KIF21B: variants seen among roughly 807,000 people sequenced by gnomAD.
The protein encoded by KIF21B is kinesin family member 21B, also known as kinesin-like protein KIF21B.
In KIF21B, 85 loss-of-function variants were observed where a neutral mutation model predicts 192.9. The observed-to-expected ratio is 0.44, with a 90% confidence interval of 0.37 to 0.53. The LOEUF is 0.53. Ranked by LOEUF, KIF21B falls within the 20% of genes least tolerant of loss-of-function variation. The pLI is 0.00. For missense variants in KIF21B, 1,716 were observed against 2,194.8 expected, an observed-to-expected ratio of 0.78 and a Z score of 4.36; for synonymous variants, 832 against 884.6, an observed-to-expected ratio of 0.94 and a Z score of 1.05.
chr1:201,005,859 C>T (rs1411218324), intron 3 of KIF21B, among the ~76,000 whole-genome samples, 165 bp from the exon 4 acceptor site: 4 of 152,220 alleles, frequency 2.6e-5, no homozygotes, highest in Non-Finnish European at 4.4e-5. Context: ...GGGCAGGAGA[C>T]AGCTGGGCCC....
At chr1:201,004,526 C>T (rs1657688463) in intron 6 of KIF21B, 71 bp from the exon 7 acceptor site, 1 of 1,358,198 alleles carries the variant, frequency 7.4e-7, no homozygotes, top group African/African-American at 1.4e-5. Flanking sequence ...AAGAAAATCC[C>T]CAACCCATCT....
intron 1 of KIF21B, among the ~76,000 whole-genome samples, chr1:201,010,105 T>C (rs1227029176): frequency 2.0e-5 from 3 of 152,282 alleles, no homozygotes; most frequent in East Asian, 3.9e-4. Flanking sequence ...CCAATGCCCA[T>C]GGGGGCTGCA....
intron 14 of KIF21B, among the ~76,000 whole-genome samples, chr1:200,997,630 CT>C (rs1161048488): frequency 6.6e-6 from 1 of 152,188 alleles, no homozygotes; most frequent in African/African-American, 2.4e-5. Flanking sequence ...GTAGTCCCAG[CT>C]ACTCAGGAGG....
Position 200,973,720 on chromosome 1 carries a change from G to A in KIF21B, c.4815-142C>T, listed in dbSNP as rs1238720868. ...CTGGGAGGCAAGCATGGCTTACGGGGAGGTGGACTGCAGGTGGTGGGGTGC... is the reference window on the plus strand; with the variant it reads ...CTGGGAGGCAAGCATGGCTTACGGGAAGGTGGACTGCAGGTGGTGGGGTGC... On this transcript the variant is annotated intron_variant, in intron 34 of 34. Coordinates refer to ENST00000461742, the MANE Select transcript of KIF21B (RefSeq NM_001252102.2). 2.7e-6 allele frequency: 4 copies of A among 1,484,118 alleles called. No homozygotes were observed. The African/African-American group carries it at 4.3e-5, about 16-fold the overall frequency. The allele number at this position is 1,484,118 out of a possible 1,614,324, so 91.9% of individuals were successfully genotyped here.
rs1256539350 is a variant in KIF21B at position 200,971,970 on chromosome 1, G to C, written c.*1551C>G. ...CAAAAGTCACTGCGTCCTCTGAAGG[G>C]AGGTGGGGCTGGCTCTTGGCTCCCA... On this transcript the variant is annotated 3_prime_UTR_variant, in exon 35 of 35. Transcript: ENST00000461742. 6.6e-6 allele frequency: 1 copy of C among 152,046 alleles called. No homozygotes were observed. The highest frequency in any genetic ancestry group is 1.9e-4 in the East Asian group (1 of 5,178). The allele number at this position is 152,046 out of a possible 1,614,324, so 9.4% of individuals were successfully genotyped here. A position where few individuals can be genotyped will look rare whatever the true frequency, so the allele number is the denominator to read the frequency against.
At chr1:201,006,132 C>G (rs1657806941) in intron 3 of KIF21B, among the ~76,000 whole-genome samples, 1 of 152,228 alleles carries the variant, frequency 6.6e-6, no homozygotes, top group Non-Finnish European at 1.5e-5. Flanking sequence ...GTGCCCTAGC[C>G]CTGACTGTCT....
At chr1:201,001,530 G>A (rs907826245) in intron 9 of KIF21B, 6 of 152,928 alleles carry the variant, frequency 3.9e-5, no homozygotes, top group African/African-American at 1.4e-4. Context: ...ACAGGCATGT[G>A]CCACCACATC....
chr1:201,017,400 G>A lies in KIF21B; in HGVS notation c.41+5943C>T, dbSNP rs779974187. On this transcript the variant is annotated intron_variant, in intron 1 of 34. Coordinates refer to ENST00000461742, the MANE Select transcript of KIF21B (RefSeq NM_001252102.2). The surrounding 1 kb of genome is among the most constrained non-coding windows in gnomAD (Gnocchi z 4.1). Reference sequence around the variant, plus strand: ...CTCCATCTCTGGGGCCTGGGAAGAGGGTAAACCCAGCCCAGGGAAGTACTG... The same window carrying A: ...CTCCATCTCTGGGGCCTGGGAAGAGAGTAAACCCAGCCCAGGGAAGTACTG... Among the ~76,000 whole-genome samples, 1 of 152,136 alleles carries A rather than the reference G, an allele frequency of 6.6e-6. No individual in the cohort carries two copies. The highest frequency in any genetic ancestry group is 6.5e-5 in the Admixed American group (1 of 15,282).
In KIF21B at chr1:201,023,190, A is replaced by T. The variant is rs1201571558; in HGVS notation, c.41+153T>A. On this transcript the variant is annotated intron_variant, in intron 1 of 34. Transcript: ENST00000461742. The surrounding 1 kb of genome is among the most constrained non-coding windows in gnomAD (Gnocchi z 5.9). ...GCCGCTCCCCTGCGGCAGACTGGCC[A>T]GCGCGCGGCGCCCTCCATCCCGTCC... Among the ~76,000 whole-genome samples the T allele has an allele frequency of 6.6e-6, 1 of 152,206 alleles. No homozygotes were observed. The highest frequency in any genetic ancestry group is 1.5e-5 in the Non-Finnish European group (1 of 68,032).
intron 27 of KIF21B, among the ~76,000 whole-genome samples, chr1:200,983,369 C>T (rs1656076539): frequency 6.6e-6 from 1 of 152,076 alleles, no homozygotes; most frequent in Non-Finnish European, 1.5e-5. Context: ...GTGGGAGCAC[C>T]AGCCCCACAC....
intron 34 of KIF21B, 29 bp from the exon 35 acceptor site, chr1:200,973,607 C>G: frequency 6.6e-7 from 1 of 1,523,620 alleles, no homozygotes; most frequent in Non-Finnish European, 8.7e-7. Context: ...TGGAGGGGTG[C>G]CGGTCAGCTC....
At position 200,972,854 on chromosome 1, in the gene KIF21B, A is replaced by T. The variant is rs1275662062; in HGVS notation, c.*667T>A. 1 of 152,702 alleles carries T rather than the reference A, an allele frequency of 6.5e-6. No individual in the cohort carries two copies. Among genetic ancestry groups the T allele is most frequent in the Non-Finnish European group, 1.5e-5 (1 of 68,072 alleles). 9.5% of individuals were successfully genotyped at this position (152,702 alleles called of 1,614,324 possible). ...CGTTTCCAGGAGGCAACAGCAAAAA[A>T]TAAAAATAACAAAATAATAAATAAC... On this transcript the variant is annotated 3_prime_UTR_variant, in exon 35 of 35. Transcript: ENST00000461742.
At chr1:200,977,024 A>C (rs780839113) in intron 31 of KIF21B, 131 bp from the exon 32 acceptor site, 19 of 962,506 alleles carry the variant, frequency 2.0e-5, no homozygotes, top group Non-Finnish European at 3.0e-5. Context: ...AGGCAAGATC[A>C]AGAATCTAGA....
intron 1 of KIF21B, among the ~76,000 whole-genome samples, chr1:201,022,587 T>G (rs1191702835): frequency 2.0e-5 from 3 of 152,154 alleles, no homozygotes; most frequent in Non-Finnish European, 4.4e-5. Context: ...TCTCCCTGTC[T>G]CATTTCTGCC....
At position 200,998,469 on chromosome 1, in the gene KIF21B, C is replaced by T. The variant is rs758142691; in HGVS notation, c.1992G>A (p.Lys664=). ...ENSQRRLQTL[K]HQYEEKLILL... is the part of the protein sequence containing the mutation. Reference sequence around the variant, plus strand: ...GAATCAGCTTTTCCTCATACTGGTGCTTGAGCGTCTGCAACCGCCGCTGGC... The same window carrying T: ...GAATCAGCTTTTCCTCATACTGGTGTTTGAGCGTCTGCAACCGCCGCTGGC... The change falls in exon 14 of 35, where the codon AAG becomes AAA. Residue 664 remains lysine (K), a synonymous_variant. Transcript: ENST00000461742. This position sits in a 1 kb window ranked among gnomAD's most constrained non-coding sequence, Gnocchi z 4.3. 6.2e-7 allele frequency: 1 copy of T among 1,614,120 alleles called. No homozygotes were observed. Among genetic ancestry groups the T allele is most frequent in the South Asian group, 1.1e-5 (1 of 91,084 alleles).
In KIF21B at chr1:200,990,119, G is replaced by A. The variant is rs1366288216; in HGVS notation, c.3030+19C>T. On this transcript the variant is annotated intron_variant, in intron 20 of 34. Transcript: ENST00000461742. This position sits in a 1 kb window ranked among gnomAD's most constrained non-coding sequence, Gnocchi z 5.4. ...CATCTCTCCCGCCTCCGCCCCAGCA[G>A]GCCCAGCCCTGCGGATACCTTGGTC... 1.8e-5 allele frequency: 29 copies of A among 1,611,256 alleles called. No homozygotes were observed. Among genetic ancestry groups the A allele is most frequent in the Non-Finnish European group, 2.5e-5 (29 of 1,177,882 alleles).
At chr1:201,021,712 C>T (rs1042350096) in intron 1 of KIF21B, among the ~76,000 whole-genome samples, 1 of 152,170 alleles carries the variant, frequency 6.6e-6, no homozygotes, top group African/African-American at 2.4e-5. Flanking sequence ...TTGTTTAGCT[C>T]TCTCCAGCAA....
chr1:201,009,256 G>C lies in KIF21B; in HGVS notation c.264+10C>G. On this transcript the variant is annotated intron_variant, in intron 2 of 34. Coordinates refer to ENST00000461742, the MANE Select transcript of KIF21B (RefSeq NM_001252102.2). ...TGGAGCCGCCATAGGTGGGCGTGAA[G>C]ATGGCTTACCTGCCCATAGGCCAGC... is the stretch of plus-strand genomic sequence containing the variant. The C allele has an allele frequency of 6.2e-7, 1 of 1,612,620 alleles. No individual in the cohort carries two copies. Among genetic ancestry groups the C allele is most frequent in the Non-Finnish European group, 8.5e-7 (1 of 1,178,942 alleles).
intron 1 of KIF21B, among the ~76,000 whole-genome samples, chr1:201,016,090 C>T (rs1019284385): frequency 5.9e-5 from 9 of 152,214 alleles, no homozygotes; most frequent in African/African-American, 1.2e-4. Flanking sequence ...CCCCATGTTA[C>T]TAAGGCTCAG....
Sources: allele counts gnomAD v4.1 joint callset (sites outside exome capture counted in the v4.1 genomes callset), GRCh38; gene constraint gnomAD v4.1.1; non-coding constraint Gnocchi (gnomAD v3.1); transcripts MANE v1.5; gene names NCBI Gene and HGNC (gene_info 2026-07-23, HGNC 2026-07-21).